Variants in CELF1 observed in about 807,000 individuals in gnomAD.
CELF1 encodes 50 kDa nuclear polyadenylated RNA-binding protein.
Under a neutral mutation model 61.8 loss-of-function variants are expected in CELF1, and 10 were observed. That is an observed-to-expected ratio of 0.16 (90% confidence interval 0.10 to 0.27). CELF1 has a LOEUF of 0.27. CELF1 is among the 10% of genes least tolerant of loss of function. The pLI is 1.00. For missense variants in CELF1, 380 were observed against 639.1 expected (o/e 0.59, Z 4.37); for synonymous variants, 236 against 225.1 (o/e 1.05, Z -0.43).
At chr11:47,539,717 C>T (rs1168312386) in intron 1 of CELF1, among the ~76,000 whole-genome samples, 3 of 152,186 alleles carry the variant, frequency 2.0e-5, no homozygotes, top group Non-Finnish European at 2.9e-5. Flanking sequence ...ACTCCAAGAA[C>T]TCCAAACAGG....
intron 10 of CELF1, among the ~76,000 whole-genome samples, chr11:47,477,901 G>A (rs2080973684): frequency 6.6e-6 from 1 of 152,148 alleles, no homozygotes; most frequent in East Asian, 1.9e-4. Context: ...ATGACACAAA[G>A]AATAAAGACA....
At chr11:47,512,786 T>C (rs2095299918) in intron 1 of CELF1, among the ~76,000 whole-genome samples, 3 of 152,214 alleles carry the variant, frequency 2.0e-5, no homozygotes, top group Admixed American at 2.0e-4. Flanking sequence ...ATAAGTAAGT[T>C]AGGCCCCCTG....
intron 1 of CELF1, among the ~76,000 whole-genome samples, chr11:47,517,621 T>C (rs919801354): frequency 2.0e-5 from 3 of 152,130 alleles, no homozygotes; most frequent in Admixed American, 2.0e-4. Context: ...GTGGTTGAAT[T>C]GTTTACATGT....
intron 1 of CELF1, among the ~76,000 whole-genome samples, chr11:47,536,451 A>C (rs1465180644): frequency 6.6e-6 from 1 of 152,106 alleles, no homozygotes; most frequent in African/African-American, 2.4e-5. Context: ...GAGGTTTGCA[A>C]AGCTTTTTAA....
At chr11:47,485,887 C>T (rs1191533264) in intron 6 of CELF1, among the ~76,000 whole-genome samples, 2 of 144,568 alleles carry the variant, frequency 1.4e-5, no homozygotes, top group African/African-American at 5.0e-5. Context: ...TAAGGCCAGG[C>T]GTGGTGGCTC....
At chr11:47,478,753 G>A (rs918846056) in intron 10 of CELF1, 124 bp downstream of exon 10, 1 of 710,986 alleles carries the variant, frequency 1.4e-6, no homozygotes, top group African/African-American at 1.8e-5. Context: ...GTTTATCCTA[G>A]GTCAGGTTTA....
intron 1 of CELF1, among the ~76,000 whole-genome samples, chr11:47,505,738 G>A (rs1416811668): frequency 6.7e-6 from 1 of 148,750 alleles, no homozygotes; most frequent in Non-Finnish European, 1.5e-5. Context: ...ATCACCTGAG[G>A]TCAGGAGTTC....
intron 1 of CELF1, among the ~76,000 whole-genome samples, chr11:47,538,653 A>AT (rs1046962553): frequency 1.7e-4 from 25 of 147,682 alleles, no homozygotes; most frequent in East Asian, 6.1e-4. Flanking sequence ...AAAAAAAAAA[A>AT]AAAAAAAAAT....
At chr11:47,541,832 A>G (rs1341891923) in intron 1 of CELF1, among the ~76,000 whole-genome samples, 11 of 150,650 alleles carry the variant, frequency 7.3e-5, no homozygotes, top group Non-Finnish European at 1.5e-4. Context: ...GAAAGAAAGA[A>G]AGAAAATGGA....
At chr11:47,532,491 G>A (rs2153693946) in intron 1 of CELF1, among the ~76,000 whole-genome samples, 1 of 152,342 alleles carries the variant, frequency 6.6e-6, no homozygotes, top group Non-Finnish European at 1.5e-5. Flanking sequence ...GGATGCTGTA[G>A]AAGGGATTCC....
chr11:47,541,961 T>C (rs932413426), intron 1 of CELF1, among the ~76,000 whole-genome samples: 4 of 152,116 alleles, frequency 2.6e-5, no homozygotes, highest in African/African-American at 9.7e-5. Flanking sequence ...AACACAGTTT[T>C]AATGGAGTTA....
At position 47,538,539 on chromosome 11, in the gene CELF1, AGGCTGAGGCAGGAGAAT is replaced by A. The variant is rs936152553; in HGVS notation, c.-154+14436_-154+14452del. Among the ~76,000 whole-genome samples the A allele has an allele frequency of 3.5e-4, 52 of 149,432 alleles. 1 individual carries two copies. Among genetic ancestry groups the A allele is most frequent in the Admixed American group, 3.3e-3 (49 of 14,692 alleles). ...GCACCTGTACTCCCAGCTACTCGGGAGGCTGAGGCAGGAGAATGGCGTGAACCCGGGAGACAGAGCTT... is the reference window on the plus strand; with the variant it reads ...GCACCTGTACTCCCAGCTACTCGGGAGGCGTGAACCCGGGAGACAGAGCTT... On this transcript the variant is annotated intron_variant, in intron 1 of 14. Transcript: ENST00000687097.
chr11:47,535,603 G>A lies in CELF1; in HGVS notation c.-154+17389C>T, dbSNP rs566098871. Among the ~76,000 whole-genome samples the A allele has an allele frequency of 1.9e-4, 28 of 150,240 alleles. 1 individual carries two copies. In the South Asian group the frequency reaches 3.9e-3, roughly 21 times the overall value. On this transcript the variant is annotated intron_variant, in intron 1 of 14. Coordinates refer to ENST00000687097, the MANE Select transcript of CELF1 (RefSeq NM_001376376.1). ...TGAGGCAGGAGAATCGCTTGAACCC[G>A]GGGAGGTGGAGGTTGCAGTGAGCCA...
intron 3 of CELF1, among the ~76,000 whole-genome samples, chr11:47,496,956 C>G (rs2093232446): frequency 6.6e-6 from 1 of 152,142 alleles, no homozygotes; most frequent in South Asian, 2.1e-4. Flanking sequence ...TGAAATAAGG[C>G]AGGGAACATG....
At chr11:47,507,360 T>A (rs1461478098) in intron 1 of CELF1, among the ~76,000 whole-genome samples, 1 of 152,068 alleles carries the variant, frequency 6.6e-6, no homozygotes, top group African/African-American at 2.4e-5. Context: ...GCAACCTTCC[T>A]GAATACATAG....
intron 1 of CELF1, among the ~76,000 whole-genome samples, chr11:47,528,925 A>T (rs914636477): frequency 6.6e-6 from 1 of 151,616 alleles, no homozygotes; most frequent in Non-Finnish European, 1.5e-5. Context: ...TCCAGCTTTT[A>T]CTTTTATATC....
intron 1 of CELF1, among the ~76,000 whole-genome samples, chr11:47,517,785 T>A (rs1034458603): frequency 3.3e-5 from 5 of 152,094 alleles, no homozygotes; most frequent in African/African-American, 1.2e-4. Context: ...CCCGAGCAGC[T>A]GGGATTACAG....
chr11:47,506,619 T>C (rs958879698), intron 1 of CELF1, among the ~76,000 whole-genome samples: 9 of 152,210 alleles, frequency 5.9e-5, no homozygotes, highest in African/African-American at 2.2e-4. Flanking sequence ...AGGAAGCAGC[T>C]AGTTTTAGTG....
At chr11:47,473,790 A>G (rs1272756200) in intron 13 of CELF1, among the ~76,000 whole-genome samples, 1 of 152,260 alleles carries the variant, frequency 6.6e-6, no homozygotes, top group African/African-American at 2.4e-5. Flanking sequence ...GAGTTTCATC[A>G]TATGTAAATG....
Sources: gnomAD v4.1 joint callset for allele counts (sites outside exome capture counted in the v4.1 genomes callset) on GRCh38, gnomAD v4.1.1 for gene constraint, MANE v1.5 for transcripts, NCBI Gene and HGNC (gene_info 2026-07-23, HGNC 2026-07-21) for gene names.